RUFY3: variants seen among roughly 807,000 people sequenced by gnomAD.
The protein encoded by RUFY3 is protein RUFY3.
In RUFY3, 34 loss-of-function variants were observed where a neutral mutation model predicts 84.0. The observed-to-expected ratio is 0.40, with a 90% CI of 0.31 to 0.54. RUFY3 has a LOEUF of 0.54. Ranked by LOEUF, RUFY3 falls within the 20% of genes least tolerant of loss-of-function variation. The pLI is 0.39. For synonymous variants in RUFY3, 242 were observed against 252.9 expected (o/e 0.96, Z 0.41); for missense variants, 507 against 736.8 (o/e 0.69, Z 3.61).
intron 3 of RUFY3, 129 bp from the exon 4 acceptor site, chr4:70,764,346 G>A: frequency 1.5e-6 from 1 of 650,954 alleles, no homozygotes; most frequent in Non-Finnish European, 2.7e-6. Flanking sequence ...ACTGGGAGAG[G>A]TCCTGAGGAG....
Position 70,752,875 on chromosome 4 carries a change from T to G in RUFY3, c.179-9644T>G, listed in dbSNP as rs143622687. On this transcript the variant is annotated intron_variant, in intron 1 of 17. Coordinates refer to ENST00000381006, the MANE Select transcript of RUFY3 (RefSeq NM_001037442.4). ...GGAGTATTGATCTATAGTTTTCTTATGATATCTTTATCTGATTTGGTCTCA... is the reference window on the plus strand; with the variant it reads ...GGAGTATTGATCTATAGTTTTCTTAGGATATCTTTATCTGATTTGGTCTCA... Among the ~76,000 whole-genome samples the G allele has an allele frequency of 1.3e-4, 20 of 152,350 alleles. No homozygotes were observed. The East Asian group carries it at 3.9e-3, about 29-fold the overall frequency.
rs1732943249 is a variant in RUFY3 at position 70,807,317 on chromosome 4, A to G, written c.*658A>G. ...AAGGGTTTTCATTATCAAAAAAAAGAACATTTGTTTTTCTACTTTATGACT... is the reference window on the plus strand; with the variant it reads ...AAGGGTTTTCATTATCAAAAAAAAGGACATTTGTTTTTCTACTTTATGACT... On this transcript the variant is annotated 3_prime_UTR_variant, in exon 18 of 18. Transcript: ENST00000381006. The G allele has an allele frequency of 6.6e-6, 1 of 151,752 alleles. No homozygotes were observed. Among genetic ancestry groups the G allele is most frequent in the South Asian group, 2.1e-4 (1 of 4,816 alleles). 9.4% of individuals were successfully genotyped at this position (151,752 alleles called of 1,614,324 possible).
At chr4:70,761,809 G>T (rs1341595733) in intron 1 of RUFY3, among the ~76,000 whole-genome samples, 1 of 152,200 alleles carries the variant, frequency 6.6e-6, no homozygotes. Context: ...ATAGTTTAAA[G>T]AATAATAAAA....
intron 1 of RUFY3, among the ~76,000 whole-genome samples, chr4:70,727,461 C>T (rs1048231864): frequency 4.2e-4 from 63 of 148,332 alleles, no homozygotes; most frequent in African/African-American, 1.5e-3. Flanking sequence ...GTTCAAGCGA[C>T]TCTCCTGCCT....
Position 70,722,126 on chromosome 4 carries a change from C to G in RUFY3, c.-448C>G. The G allele has an allele frequency of 1.6e-6, 2 of 1,231,144 alleles. No individual in the cohort carries two copies. Among genetic ancestry groups the G allele is most frequent in the Non-Finnish European group, 2.0e-6 (2 of 987,546 alleles). The allele number at this position is 1,231,144 out of a possible 1,614,324, so 76.3% of individuals were successfully genotyped here. A position where few individuals can be genotyped will look rare whatever the true frequency, so the allele number is the denominator to read the frequency against. On this transcript the variant is annotated 5_prime_UTR_variant, in exon 1 of 18. Transcript: ENST00000381006. ...TGAAAATATAGGTTTATTTTTTGTT[C>G]AGGTTTTTCTTTTATATTTTTTTTC... is the stretch of plus-strand genomic sequence containing the variant.
chr4:70,798,361 C>T (rs1235584426), intron 14 of RUFY3, among the ~76,000 whole-genome samples: 1 of 150,728 alleles, frequency 6.6e-6, no homozygotes, highest in East Asian at 2.0e-4. Context: ...AGCATGAGAC[C>T]TTGTCTCAAA....
chr4:70,806,653 A>G lies in RUFY3; in HGVS notation c.1857A>G (p.Pro619=), dbSNP rs146382732. 5 of 1,613,938 alleles carry G rather than the reference A, an allele frequency of 3.1e-6. No individual in the cohort carries two copies. In the African/African-American group the frequency reaches 5.3e-5, roughly 17 times the overall value. Residue 619 remains proline, a synonymous_variant, in exon 18 of 18, where the codon CCA becomes CCG. Coordinates refer to ENST00000381006, the MANE Select transcript of RUFY3 (RefSeq NM_001037442.4). ...TGATGAAGCAATATTCTACCAGCCC[A>G]TCATAAGACTGGAGGCCAAGACCTG... ...KHLMKQYSTS[P]S is the part of the protein sequence containing the mutation.
intron 1 of RUFY3, among the ~76,000 whole-genome samples, chr4:70,747,500 A>C (rs77611380): frequency 1.1e-5 from 1 of 93,520 alleles, no homozygotes; most frequent in African/African-American, 3.7e-5. Flanking sequence ...AGGTGTGTGC[A>C]AAAAAAAAAA....
At chr4:70,800,061 G>T (rs1056253946) in intron 14 of RUFY3, 80 bp from the exon 15 acceptor site, 19 of 1,329,100 alleles carry the variant, frequency 1.4e-5, no homozygotes, top group Non-Finnish European at 1.8e-5. Flanking sequence ...CCAAACTAAG[G>T]CATTGCAGAA....
At chr4:70,772,018 G>A (rs1203121205) in intron 5 of RUFY3, among the ~76,000 whole-genome samples, 1 of 151,908 alleles carries the variant, frequency 6.6e-6, no homozygotes, top group African/African-American at 2.4e-5. Flanking sequence ...AGGAAGAGGA[G>A]GCGGTTGGTC....
chr4:70,748,816 T>A (rs1050703046), intron 1 of RUFY3, among the ~76,000 whole-genome samples: 1 of 152,152 alleles, frequency 6.6e-6, no homozygotes, highest in Admixed American at 6.5e-5. Context: ...AAGCTTCGTC[T>A]CTCATTATCA....
chr4:70,793,525 C>A, intron 12 of RUFY3: 5 of 1,324,912 alleles, frequency 3.8e-6, no homozygotes, highest in Non-Finnish European at 4.8e-6. Context: ...TGGCTGTAAA[C>A]TGTAGTACTA....
intron 1 of RUFY3, among the ~76,000 whole-genome samples, chr4:70,726,009 A>T (rs1299409364): frequency 6.6e-6 from 1 of 152,264 alleles, no homozygotes; most frequent in East Asian, 1.9e-4. Context: ...ACATAAAATA[A>T]GATTTGTGTT....
At chr4:70,742,370 C>T (rs1721449485) in intron 1 of RUFY3, among the ~76,000 whole-genome samples, 1 of 152,104 alleles carries the variant, frequency 6.6e-6, no homozygotes, top group Non-Finnish European at 1.5e-5. Context: ...TTACATGTTC[C>T]CGCTTTGCTG....
At chr4:70,791,796 C>T (rs965911559) in intron 12 of RUFY3, 1 of 985,994 alleles carries the variant, frequency 1.0e-6, no homozygotes, top group Non-Finnish European at 1.2e-6. Flanking sequence ...GACCCCTTTT[C>T]ACTTTTGTTA....
At chr4:70,792,956 G>C in intron 12 of RUFY3, 1 of 985,378 alleles carries the variant, frequency 1.0e-6, no homozygotes, top group Middle Eastern at 5.2e-4. Flanking sequence ...CATTTGGAAG[G>C]AGTGATCAAA....
chr4:70,732,014 T>A (rs1409595866), intron 1 of RUFY3, among the ~76,000 whole-genome samples: 1 of 152,246 alleles, frequency 6.6e-6, no homozygotes, highest in Non-Finnish European at 1.5e-5. Context: ...CTTTTCAACA[T>A]ACTTACCTGT....
At chr4:70,779,684 G>A (rs1443090655) in intron 8 of RUFY3, among the ~76,000 whole-genome samples, 2 of 150,740 alleles carry the variant, frequency 1.3e-5, no homozygotes, top group South Asian at 2.1e-4. Flanking sequence ...CCGGGCTCAA[G>A]TGATCTCCCA....
chr4:70,739,990 CAAAAAAA>C (rs551882326), intron 1 of RUFY3, among the ~76,000 whole-genome samples: 1 of 47,692 alleles, frequency 2.1e-5, no homozygotes, highest in African/African-American at 7.0e-5. Flanking sequence ...AACTCCGTCT[CAAAAAAA>C]AAAAAAAAAA....
Sources: gnomAD v4.1 joint callset for allele counts (sites outside exome capture counted in the v4.1 genomes callset) on GRCh38, gnomAD v4.1.1 for gene constraint, MANE v1.5 for transcripts, NCBI Gene and HGNC (gene_info 2026-07-23, HGNC 2026-07-21) for gene names.